Variants in COL27A1 observed in about 807,000 individuals in gnomAD.
COL27A1 encodes the protein collagen type XXVII alpha 1 chain, also known as collagen alpha-1(XXVII) chain.
A neutral mutation model predicts 251.3 loss-of-function variants in COL27A1; 106 were observed. That is an observed-to-expected ratio of 0.42 (90% CI 0.36 to 0.50). COL27A1 has a LOEUF of 0.50. Ranked by LOEUF, COL27A1 falls within the 20% of genes least tolerant of loss-of-function variation. COL27A1 has a pLI of 0.00. For synonymous variants in COL27A1, 1,000 were observed against 986.3 expected, an observed-to-expected ratio of 1.01 and a Z score of -0.26; for missense variants, 2,325 against 2,522.8, an observed-to-expected ratio of 0.92 and a Z score of 1.68.
chr9:114,223,579 C>G (rs375424666), intron 14 of COL27A1, among the ~76,000 whole-genome samples: 1 of 152,236 alleles, frequency 6.6e-6, no homozygotes, highest in African/African-American at 2.4e-5. Context: ...TCAGGGATCC[C>G]CTCTGTGAAA....
chr9:114,289,184 C>T, intron 44 of COL27A1, 58 bp from the exon 45 acceptor site: 2 of 1,523,214 alleles, frequency 1.3e-6, no homozygotes, highest in Non-Finnish European at 1.8e-6. Flanking sequence ...GGAGACTGGC[C>T]ACCCTCCCCG....
chr9:114,265,450 G>T lies in COL27A1; in HGVS notation c.3368G>T (p.Gly1123Val). The change falls in exon 32 of 61, where the codon GGC becomes GTC. Residue 1123 changes from glycine (G) to valine (V), a missense_variant. By Grantham distance (109) the Gly-to-Val change is moderately radical. This residue lies in a region of COL27A1 where 662 missense variants were observed against 795.3 expected (regional missense o/e 0.83). Transcript: ENST00000356083. Reference protein sequence around the residue: ...PGIPGPSGPPGTKGLPGEPGP... With the variant: ...PGIPGPSGPPVTKGLPGEPGP... ...ATCCCGGGTCCCTCAGGCCCCCCAG[G>T]CACCAAGGGCCTCCCAGGAGAACCG... 1.9e-6 allele frequency: 3 copies of T among 1,613,912 alleles called. No individual in the cohort carries two copies. The highest frequency in any genetic ancestry group is 2.5e-6 in the Non-Finnish European group (3 of 1,179,956).
At chr9:114,269,210 C>T (rs758572927) in intron 34 of COL27A1, 31 bp from the exon 35 acceptor site, 2 of 1,554,552 alleles carry the variant, frequency 1.3e-6, no homozygotes, top group Non-Finnish European at 1.8e-6. Context: ...GCCCTACCCA[C>T]CCGCAAGGAC....
In COL27A1 at chr9:114,288,877, G is replaced by T. The variant is rs749731665; in HGVS notation, c.4099-37G>T. ...TGTGCTGCCTCCCAGCCCTCTGCAG[G>T]ATGGGCCCCCCTCACCTGTCTCTCT... On this transcript the variant is annotated intron_variant, in intron 43 of 60. Transcript: ENST00000356083. 4 of 1,613,124 alleles carry T rather than the reference G, an allele frequency of 2.5e-6. No homozygotes were observed. In the East Asian group the frequency reaches 8.9e-5, roughly 36 times the overall value.
Position 114,275,707 on chromosome 9 carries a change from G to A in COL27A1, c.3656G>A (p.Gly1219Asp). 1 of 1,550,286 alleles carries A rather than the reference G, an allele frequency of 6.5e-7. No individual in the cohort carries two copies. The highest frequency in any genetic ancestry group is 8.7e-7 in the Non-Finnish European group (1 of 1,146,862). Residue 1219 changes from glycine to aspartate, a missense_variant, in exon 37 of 61, where the codon GGC becomes GAC. Gly to Asp is a moderately conservative substitution (Grantham distance 94, BLOSUM62 -1). Transcript: ENST00000356083. ...PGPDGEHGEK[G>D]QEGLMGEDGP... ...CCTGATGGAGAACATGGCGAGAAAG[G>A]CCAGGAAGGGCTGATGGGTGAGGAC... is the stretch of plus-strand genomic sequence containing the variant.
chr9:114,264,315 C>T (rs768492309), intron 28 of COL27A1, 40 bp from the exon 29 acceptor site: 3 of 1,508,526 alleles, frequency 2.0e-6, no homozygotes, highest in East Asian at 4.9e-5. Context: ...CGAGGGAGAC[C>T]CCTGCTGTCC....
At chr9:114,188,158 C>T (rs868089841) in intron 5 of COL27A1, among the ~76,000 whole-genome samples, 2 of 152,214 alleles carry the variant, frequency 1.3e-5, no homozygotes, top group Admixed American at 1.3e-4. Context: ...CTGACAGTAA[C>T]GGTTCAGAGG....
intron 3 of COL27A1, among the ~76,000 whole-genome samples, chr9:114,172,321 GC>G (rs1849377026): frequency 6.6e-6 from 1 of 152,164 alleles, no homozygotes; most frequent in African/African-American, 2.4e-5. Flanking sequence ...AGCTCCAGCT[GC>G]CCAGGAGAAG....
chr9:114,222,334 GGGAGCCAGGAGCA>G, intron 14 of COL27A1, 67 bp downstream of exon 14: 1 of 1,469,418 alleles, frequency 6.8e-7, no homozygotes. Context: ...CCAGCGTGTG[GGGAGCCAGGAGCA>G]GGCCCTGCAG....
intron 16 of COL27A1, among the ~76,000 whole-genome samples, chr9:114,234,915 A>C (rs1832252469): frequency 6.6e-6 from 1 of 150,544 alleles, no homozygotes; most frequent in Admixed American, 6.6e-5. Context: ...AAAAATACAA[A>C]AAAAAAAAAA....
chr9:114,286,118 C>A (rs575166599), intron 41 of COL27A1, among the ~76,000 whole-genome samples: 1 of 152,294 alleles, frequency 6.6e-6, no homozygotes, highest in South Asian at 2.1e-4. Context: ...GTTCCAGGCC[C>A]TGAGCTAGAG....
intron 12 of COL27A1, chr9:114,218,541 A>G (rs10513237): frequency 0.085 from 12,957 of 152,266 alleles, 620 homozygotes; most frequent in East Asian, 0.15. Context: ...CCTCAAAGAT[A>G]GATATCAAAT....
intron 7 of COL27A1, 125 bp downstream of exon 7, chr9:114,196,137 G>A: frequency 3.6e-6 from 3 of 830,568 alleles, no homozygotes; most frequent in Non-Finnish European, 6.2e-6. Context: ...TGGGCACAGG[G>A]TACATGGGTG....
intron 5 of COL27A1, among the ~76,000 whole-genome samples, chr9:114,186,755 G>T (rs1828369978): frequency 6.6e-6 from 1 of 152,218 alleles, no homozygotes; most frequent in Non-Finnish European, 1.5e-5. Context: ...ACTGGATGAG[G>T]TCTGCAAACG....
intron 33 of COL27A1, 74 bp downstream of exon 33, chr9:114,266,692 A>C (rs1023668265): frequency 2.2e-6 from 3 of 1,379,074 alleles, no homozygotes; most frequent in African/African-American, 2.9e-5. Flanking sequence ...CCTCCTCCCC[A>C]GGAGCCTCTT....
intron 32 of COL27A1, among the ~76,000 whole-genome samples, 196 bp from the exon 33 acceptor site, chr9:114,266,369 G>A (rs903188108): frequency 6.6e-6 from 1 of 152,150 alleles, no homozygotes. Flanking sequence ...GTGCAGCTGT[G>A]TTGGAGGGAG....
At position 114,302,079 on chromosome 9, in the gene COL27A1, C is replaced by T. The variant is rs776271720; in HGVS notation, c.4846-3C>T. On this transcript the variant is annotated splice_polypyrimidine_tract_variant and splice_region_variant and intron_variant, in intron 55 of 60. Coordinates refer to ENST00000356083, the MANE Select transcript of COL27A1 (RefSeq NM_032888.4). ...TTGACTGACCCGCAGTCTTCTTTTGCAGGGTCCTCCAGGGGGTCCTATCCA... is the reference window on the plus strand; with the variant it reads ...TTGACTGACCCGCAGTCTTCTTTTGTAGGGTCCTCCAGGGGGTCCTATCCA... 1.2e-6 allele frequency: 2 copies of T among 1,612,294 alleles called. No homozygotes were observed. The highest frequency in any genetic ancestry group is 1.7e-5 in the Admixed American group (1 of 60,004).
intron 37 of COL27A1, among the ~76,000 whole-genome samples, chr9:114,277,248 G>T (rs1835566537): frequency 6.6e-6 from 1 of 152,066 alleles, no homozygotes; most frequent in African/African-American, 2.4e-5. Flanking sequence ...AACTCCTTGG[G>T]ACCCGTGGAT....
At position 114,292,004 on chromosome 9, in the gene COL27A1, G is replaced by A; in HGVS notation, c.4477-99G>A. ...AGCATTCTGCAATCTCGGGTACCCTGTGGAATCACTGTTCTGGCTCTCCCA... is the reference window on the plus strand; with the variant it reads ...AGCATTCTGCAATCTCGGGTACCCTATGGAATCACTGTTCTGGCTCTCCCA... On this transcript the variant is annotated intron_variant, in intron 48 of 60. Coordinates refer to ENST00000356083, the MANE Select transcript of COL27A1 (RefSeq NM_032888.4). 2.8e-6 allele frequency: 3 copies of A among 1,053,138 alleles called. No individual in the cohort carries two copies. The South Asian group carries it at 4.1e-5, about 14-fold the overall frequency. The allele number at this position is 1,053,138 out of a possible 1,614,324, so 65.2% of individuals were successfully genotyped here.
Sources: allele counts gnomAD v4.1 joint callset (sites outside exome capture counted in the v4.1 genomes callset), GRCh38; gene constraint gnomAD v4.1.1; regional missense constraint gnomAD v4.1.1; transcripts MANE v1.5; gene names NCBI Gene and HGNC (gene_info 2026-07-23, HGNC 2026-07-21).